The following N4BP2L2 variants were observed in gnomAD, a reference collection of about 807,000 sequenced individuals.
N4BP2L2 encodes NEDD4-binding protein 2-like 2.
Under a neutral mutation model 56.2 loss-of-function variants are expected in N4BP2L2, and 50 were observed. That is an observed-to-expected ratio of 0.89 (90% confidence interval 0.71 to 1.13). N4BP2L2 has a LOEUF of 1.13. Among genes scored for constraint, N4BP2L2 ranks in the 50% most tolerant of loss-of-function variants. N4BP2L2 has a pLI of 0.00. For missense variants in N4BP2L2, 689 were observed against 693.8 expected, an observed-to-expected ratio of 0.99 and a Z score of 0.08; for synonymous variants, 203 against 223.6, an observed-to-expected ratio of 0.91 and a Z score of 0.82.
chr13:32,439,596 A>G (rs1456409628), intron 7 of N4BP2L2, among the ~76,000 whole-genome samples: 1 of 152,196 alleles, frequency 6.6e-6, no homozygotes, highest in Non-Finnish European at 1.5e-5. Context: ...CAGAATATGG[A>G]CCTTGGACTA....
At chr13:32,511,332 T>C (rs207637) in exon 6 of N4BP2L2, 1 of 152,022 alleles carries the variant, frequency 6.6e-6, no homozygotes, top group South Asian at 2.1e-4. Context: ...AGTTATCAGC[T>C]TTCCTTCAAA....
intron 6 of N4BP2L2, among the ~76,000 whole-genome samples, chr13:32,453,415 C>T (rs925759894): frequency 6.6e-6 from 1 of 151,474 alleles, no homozygotes; most frequent in South Asian, 2.1e-4. Flanking sequence ...TTACAGCAAC[C>T]GGGCAAAATG....
rs114542383 is a variant in N4BP2L2 at position 32,501,325 on chromosome 13, C to A, written c.365+16532G>T. On this transcript the variant is annotated intron_variant, in intron 6 of 9. Transcript: ENST00000357505. ...ATCACACTGTCACATGAACATTACA[C>A]ATAATGTTACGTATGAGAAACAAGG... Among the ~76,000 whole-genome samples the A allele has an allele frequency of 4.2e-3, 644 of 152,126 alleles. 5 individuals are homozygous for A. The highest frequency in any genetic ancestry group is 0.015 in the African/African-American group (622 of 41,486).
intron 6 of N4BP2L2, among the ~76,000 whole-genome samples, chr13:32,495,965 G>T (rs2088497435): frequency 6.6e-6 from 1 of 152,142 alleles, no homozygotes; most frequent in African/African-American, 2.4e-5. Flanking sequence ...TTACAGGCAT[G>T]AACCACCCCA....
At chr13:32,500,735 T>A (rs965245263) in intron 6 of N4BP2L2, among the ~76,000 whole-genome samples, 1 of 151,454 alleles carries the variant, frequency 6.6e-6, no homozygotes, top group Non-Finnish European at 1.5e-5. Flanking sequence ...AAAAAAGTAC[T>A]ATTATTCTTA....
Position 32,468,683 on chromosome 13 carries a change from G to A in N4BP2L2, c.366-24557C>T, listed in dbSNP as rs898743644. 1.1e-4 allele frequency among the ~76,000 whole-genome samples: 17 copies of A among 152,326 alleles called. No individual in the cohort carries two copies. In the South Asian group the frequency reaches 1.5e-3, roughly 13 times the overall value. On this transcript the variant is annotated intron_variant, in intron 6 of 9. Transcript: ENST00000357505. ...GACTCGGTGAGTTTAGGGTGCAGGT[G>A]CATACTCTGCTTGTTACATAACCTG... is the stretch of plus-strand genomic sequence containing the variant.
At chr13:32,501,578 G>C (rs2090008762) in intron 6 of N4BP2L2, among the ~76,000 whole-genome samples, 2 of 152,132 alleles carry the variant, frequency 1.3e-5, no homozygotes, top group Admixed American at 1.3e-4. Flanking sequence ...ACTTTGGGAG[G>C]CCGAGGCAGG....
intron 6 of N4BP2L2, among the ~76,000 whole-genome samples, chr13:32,491,318 C>T (rs945789167): frequency 4.6e-5 from 7 of 151,970 alleles, no homozygotes; most frequent in African/African-American, 1.7e-4. Context: ...TCAGCATTAC[C>T]ATTATTACTT....
downstream of N4BP2L2, chr13:32,509,070 G>A (rs1725323018): frequency 6.6e-6 from 1 of 152,048 alleles, no homozygotes; most frequent in Non-Finnish European, 1.5e-5. Flanking sequence ...CTCTGATATG[G>A]CACTGGATAC....
chr13:32,500,684 C>G (rs970165403), intron 6 of N4BP2L2, among the ~76,000 whole-genome samples: 2 of 150,862 alleles, frequency 1.3e-5, no homozygotes, highest in African/African-American at 4.9e-5. Flanking sequence ...TGCCACTGAA[C>G]TCCAGCCTGG....
At chr13:32,536,807 T>C (rs983705979) in exon 2 of N4BP2L2, 6 of 1,614,114 alleles carry the variant, frequency 3.7e-6, no homozygotes, top group Non-Finnish European at 5.1e-6. Flanking sequence ...ATCTGTAGTT[T>C]TGATTTTGTT....
intron 6 of N4BP2L2, among the ~76,000 whole-genome samples, chr13:32,499,020 T>G (rs914267314): frequency 1.7e-4 from 26 of 150,704 alleles, no homozygotes; most frequent in Non-Finnish European, 3.4e-4. Context: ...AATTAAAATT[T>G]AAAAAAGAAA....
intron 6 of N4BP2L2, among the ~76,000 whole-genome samples, chr13:32,469,995 T>C (rs1184576398): frequency 6.6e-6 from 1 of 152,154 alleles, no homozygotes; most frequent in African/African-American, 2.4e-5. Context: ...CCTGAACACG[T>C]ATAAGTTTCT....
chr13:32,467,260 C>T (rs1354553424), intron 6 of N4BP2L2, among the ~76,000 whole-genome samples: 2 of 146,646 alleles, frequency 1.4e-5, no homozygotes, highest in South Asian at 2.1e-4. Context: ...GAGAGAGGGG[C>T]ATTTTTTTTT....
exon 6 of N4BP2L2, chr13:32,512,115 T>C (rs1472510073): frequency 6.6e-6 from 1 of 152,168 alleles, no homozygotes; most frequent in Non-Finnish European, 1.5e-5. Context: ...ATAAAGTATA[T>C]TTCAATGGAC....
intron 6 of N4BP2L2, chr13:32,480,756 C>T (rs944986401): frequency 1.8e-5 from 9 of 487,018 alleles, no homozygotes; most frequent in East Asian, 7.5e-5. Flanking sequence ...GACTGAAGAA[C>T]TCATAGAGTG....
exon 6 of N4BP2L2, chr13:32,513,630 A>G (rs1465663181): frequency 2.6e-5 from 4 of 152,160 alleles, no homozygotes; most frequent in Non-Finnish European, 1.5e-5. Flanking sequence ...TAACTCTAAA[A>G]AATCACTAAC....
intron 7 of N4BP2L2, among the ~76,000 whole-genome samples, chr13:32,440,246 AGGATG>A (rs1283023792): frequency 6.6e-6 from 1 of 152,158 alleles, no homozygotes; most frequent in East Asian, 1.9e-4. Context: ...TAAAAAACTC[AGGATG>A]ACAAGCTTTG....
chr13:32,491,610 A>G (rs920548370), intron 6 of N4BP2L2, among the ~76,000 whole-genome samples: 9 of 142,204 alleles, frequency 6.3e-5, no homozygotes, highest in African/African-American at 1.8e-4. Flanking sequence ...TATAAACTAT[A>G]TATGTATATT....
Sources: gnomAD v4.1 joint callset for allele counts (sites outside exome capture counted in the v4.1 genomes callset) on GRCh38, gnomAD v4.1.1 for gene constraint, MANE v1.5 for transcripts, NCBI Gene and HGNC (gene_info 2026-07-23, HGNC 2026-07-21) for gene names.